Variants in RIC1 observed in about 807,000 individuals in gnomAD.
RIC1 encodes the protein guanine nucleotide exchange factor subunit RIC1.
Under a neutral mutation model 169.0 loss-of-function variants are expected in RIC1, and 88 were observed. That is an observed-to-expected ratio of 0.52 (90% CI 0.44 to 0.62). The LOEUF is 0.62. Ranked by LOEUF, RIC1 falls within the 20% of genes least tolerant of loss-of-function variation. RIC1 has a pLI of 0.00. For synonymous variants in RIC1, 790 were observed against 601.5 expected (o/e 1.31, Z -4.59); for missense variants, 1,877 against 1,725.5 (o/e 1.09, Z -1.56).
chr9:5,720,522 C>G, intron 5 of RIC1, 92 bp from the exon 6 acceptor site: 1 of 1,301,768 alleles, frequency 7.7e-7, no homozygotes, highest in Non-Finnish European at 1.1e-6. Context: ...ATTATTTTTA[C>G]CCTTTTAAAC....
chr9:5,729,416 A>C (rs936346773), intron 6 of RIC1, among the ~76,000 whole-genome samples: 1 of 152,170 alleles, frequency 6.6e-6, no homozygotes, highest in Admixed American at 6.5e-5. Flanking sequence ...TGAATTCCCA[A>C]GCCTTTCGTG....
At chr9:5,632,773 C>A (rs749223147) in intron 1 of RIC1, among the ~76,000 whole-genome samples, 18 of 152,140 alleles carry the variant, frequency 1.2e-4, no homozygotes, top group Non-Finnish European at 2.2e-4. Flanking sequence ...AGATGAATTA[C>A]ATTTTGTACT....
Position 5,720,768 on chromosome 9 carries a change from T to C in RIC1, c.720+18T>C. The stretch of plus-strand genomic sequence containing the variant: ...CTGCAGAGGTATGACTTATTTACTT[T>C]GAAGGGTTTTTTGTTATTGTGTACT... On this transcript the variant is annotated intron_variant, in intron 6 of 25. Transcript: ENST00000414202. The C allele has an allele frequency of 6.4e-7, 1 of 1,570,436 alleles. No individual in the cohort carries two copies. Among genetic ancestry groups the C allele is most frequent in the Non-Finnish European group, 8.6e-7 (1 of 1,162,784 alleles).
At chr9:5,676,237 G>T (rs1226623571) in intron 2 of RIC1, among the ~76,000 whole-genome samples, 1 of 152,074 alleles carries the variant, frequency 6.6e-6, no homozygotes, top group Non-Finnish European at 1.5e-5. Flanking sequence ...AACTTTCTAG[G>T]TAACCAAAGC....
chr9:5,706,874 C>A (rs916038651), intron 3 of RIC1, among the ~76,000 whole-genome samples: 1 of 152,094 alleles, frequency 6.6e-6, no homozygotes, highest in Admixed American at 6.5e-5. Context: ...AAACAACCAA[C>A]TTGCTTTAAT....
chr9:5,685,859 A>G (rs1396857193), intron 2 of RIC1, among the ~76,000 whole-genome samples: 1 of 135,164 alleles, frequency 7.4e-6, no homozygotes, highest in African/African-American at 2.6e-5. Context: ...ATGGGAGAAA[A>G]TTTTTGCAAC....
At chr9:5,760,945 C>T (rs1826290225) in intron 17 of RIC1, among the ~76,000 whole-genome samples, 2 of 152,062 alleles carry the variant, frequency 1.3e-5, no homozygotes, top group South Asian at 4.1e-4. Flanking sequence ...TCTTTCCTCC[C>T]TGAAATTCTT....
At chr9:5,697,225 C>G (rs1043746916) in intron 3 of RIC1, among the ~76,000 whole-genome samples, 2 of 152,194 alleles carry the variant, frequency 1.3e-5, no homozygotes, top group African/African-American at 4.8e-5. Flanking sequence ...TAATCTTTTT[C>G]TCCTCAACTT....
At chr9:5,738,672 C>T (rs1471163049) in intron 8 of RIC1, 134 bp downstream of exon 8, 1 of 474,158 alleles carries the variant, frequency 2.1e-6, no homozygotes, top group Non-Finnish European at 3.6e-6. Flanking sequence ...GGTGTGTAAA[C>T]TGGCTCAAGT....
chr9:5,642,011 A>G (rs1393940560), intron 1 of RIC1, among the ~76,000 whole-genome samples: 1 of 144,002 alleles, frequency 6.9e-6, no homozygotes, highest in Non-Finnish European at 1.5e-5. Context: ...TAGGCATCAA[A>G]GAGGTAGGTA....
intron 2 of RIC1, among the ~76,000 whole-genome samples, chr9:5,663,446 G>C (rs546005188): frequency 2.0e-5 from 3 of 152,128 alleles, no homozygotes; most frequent in Non-Finnish European, 4.4e-5. Flanking sequence ...TACTATTATT[G>C]TGTGGGAGTC....
At chr9:5,695,222 AT>A (rs1334776122) in intron 3 of RIC1, among the ~76,000 whole-genome samples, 2 of 152,238 alleles carry the variant, frequency 1.3e-5, no homozygotes, top group Non-Finnish European at 2.9e-5. Context: ...TTTAGCAGGT[AT>A]GAAAATTCAT....
chr9:5,667,266 G>C (rs953416186), intron 2 of RIC1, among the ~76,000 whole-genome samples: 4 of 152,122 alleles, frequency 2.6e-5, no homozygotes, highest in Non-Finnish European at 4.4e-5. Context: ...AGGTTACCAT[G>C]AGTTTTGATC....
At chr9:5,728,806 T>C (rs925397804) in intron 6 of RIC1, among the ~76,000 whole-genome samples, 1 of 152,224 alleles carries the variant, frequency 6.6e-6, no homozygotes, top group Non-Finnish European at 1.5e-5. Flanking sequence ...TTCCCTTTAC[T>C]CTTATTTGTG....
chr9:5,687,454 C>T (rs556670416), intron 2 of RIC1, among the ~76,000 whole-genome samples: 2 of 152,206 alleles, frequency 1.3e-5, no homozygotes, highest in Admixed American at 6.5e-5. Context: ...TTGAGATTTT[C>T]CTTTTTTTCT....
intron 21 of RIC1, among the ~76,000 whole-genome samples, 161 bp from the exon 22 acceptor site, chr9:5,768,809 A>G (rs1826984454): frequency 6.6e-6 from 1 of 152,214 alleles, no homozygotes; most frequent in Non-Finnish European, 1.5e-5. Flanking sequence ...GTTGTGGTGT[A>G]ACACGGAGGA....
chr9:5,671,944 C>A (rs1923932), intron 2 of RIC1, among the ~76,000 whole-genome samples: 49,131 of 152,014 alleles, frequency 0.32, 8,558 homozygotes, highest in East Asian at 0.59. Context: ...AAAGGGAGGA[C>A]TGTGTCTGCT....
intron 3 of RIC1, among the ~76,000 whole-genome samples, chr9:5,695,760 G>A (rs991481095): frequency 2.5e-4 from 38 of 151,768 alleles, no homozygotes; most frequent in African/African-American, 7.5e-4. Context: ...TAGTAGAGAC[G>A]GGGTTTCACT....
intron 2 of RIC1, among the ~76,000 whole-genome samples, chr9:5,682,562 C>A (rs1237333000): frequency 6.6e-6 from 1 of 152,060 alleles, no homozygotes; most frequent in African/African-American, 2.4e-5. Flanking sequence ...TTGTGGGTAA[C>A]CCGACCTTTC....
Sources: allele counts gnomAD v4.1 joint callset (sites outside exome capture counted in the v4.1 genomes callset), GRCh38; gene constraint gnomAD v4.1.1; transcripts MANE v1.5; gene names NCBI Gene and HGNC (gene_info 2026-07-23, HGNC 2026-07-21).